The following ARHGAP26 variants were observed in gnomAD, a reference collection of about 807,000 sequenced individuals.
The protein encoded by ARHGAP26 is rho GTPase-activating protein 26.
A neutral mutation model predicts 104.8 loss-of-function variants in ARHGAP26; 38 were observed. The observed-to-expected ratio is 0.36, with a 90% CI of 0.28 to 0.48. The LOEUF (loss-of-function observed/expected upper bound fraction) is 0.48. ARHGAP26 is among the 20% of genes least tolerant of loss of function. ARHGAP26 has a pLI of 0.99. For missense variants in ARHGAP26, 704 were observed against 947.9 expected (o/e 0.74, Z 3.38); for synonymous variants, 341 against 340.0 (o/e 1.00, Z -0.03).
At chr5:143,073,175 A>G (rs947849265) in intron 17 of ARHGAP26, among the ~76,000 whole-genome samples, 2 of 152,226 alleles carry the variant, frequency 1.3e-5, no homozygotes, top group African/African-American at 4.8e-5. Flanking sequence ...GGGGAATCCA[A>G]CTGAATTCCT....
rs1811556497 is a variant in ARHGAP26 at position 143,225,171 on chromosome 5, A to G, written c.*2725A>G. The G allele has an allele frequency of 4.8e-6, 1 of 208,392 alleles. No individual in the cohort carries two copies. Among genetic ancestry groups the G allele is most frequent in the East Asian group, 7.2e-5 (1 of 13,830 alleles). 12.9% of individuals were successfully genotyped at this position (208,392 alleles called of 1,614,324 possible). A position where few individuals can be genotyped will look rare whatever the true frequency, so the allele number is the denominator to read the frequency against. On this transcript the variant is annotated 3_prime_UTR_variant, in exon 23 of 23. Transcript: ENST00000645722. ...CAACATCATGCTTTTAACACATTTGATGAGGTTTTTTATTTGTGTTTTTGT... is the reference window on the plus strand; with the variant it reads ...CAACATCATGCTTTTAACACATTTGGTGAGGTTTTTTATTTGTGTTTTTGT...
intron 19 of ARHGAP26, among the ~76,000 whole-genome samples, chr5:143,140,958 T>G (rs1187603122): frequency 2.0e-5 from 3 of 152,254 alleles, no homozygotes; most frequent in African/African-American, 7.2e-5. Context: ...TTCATACTAT[T>G]CAAAGGCTTA....
At chr5:143,113,148 C>T (rs1353746758) in intron 17 of ARHGAP26, among the ~76,000 whole-genome samples, 1 of 152,192 alleles carries the variant, frequency 6.6e-6, no homozygotes, top group Non-Finnish European at 1.5e-5. Context: ...GAGCTAGTTA[C>T]ACCCTCAGAT....
intron 11 of ARHGAP26, among the ~76,000 whole-genome samples, chr5:142,964,872 C>G (rs1438541051): frequency 6.6e-6 from 1 of 152,158 alleles, no homozygotes; most frequent in Non-Finnish European, 1.5e-5. Context: ...GAAAAGACAG[C>G]TGGGCCCGGG....
intron 1 of ARHGAP26, among the ~76,000 whole-genome samples, chr5:142,870,680 C>G (rs911586262): frequency 6.6e-6 from 1 of 152,210 alleles, no homozygotes; most frequent in African/African-American, 2.4e-5. Context: ...CAGTGTTTCT[C>G]ACTGGATCCT....
intron 14 of ARHGAP26, among the ~76,000 whole-genome samples, chr5:143,051,455 C>T (rs1352302747): frequency 2.6e-5 from 4 of 152,154 alleles, no homozygotes; most frequent in Non-Finnish European, 1.5e-5. Flanking sequence ...GGTCAAGGGA[C>T]ATGGTGGAGA....
intron 11 of ARHGAP26, among the ~76,000 whole-genome samples, chr5:143,013,584 G>C (rs952450678): frequency 6.6e-6 from 1 of 152,254 alleles, no homozygotes; most frequent in Admixed American, 6.5e-5. Context: ...TTGATGTAAA[G>C]GTCCTGACTT....
Position 143,228,096 on chromosome 5 carries a change from G to A in ARHGAP26, c.*5650G>A, listed in dbSNP as rs1811802059. 4.5e-6 allele frequency: 1 copy of A among 223,454 alleles called. No individual in the cohort carries two copies. The highest frequency in any genetic ancestry group is 8.9e-6 in the Non-Finnish European group (1 of 112,014). 13.8% of individuals were successfully genotyped at this position (223,454 alleles called of 1,614,324 possible). A position where few individuals can be genotyped will look rare whatever the true frequency, so the allele number is the denominator to read the frequency against. On this transcript the variant is annotated 3_prime_UTR_variant, in exon 23 of 23. Coordinates refer to ENST00000645722, the MANE Select transcript of ARHGAP26 (RefSeq NM_001135608.3). ...CAGTTACCTGGAGCAGTCCTGGAGAGGTTAAGACATTCTATACTGTTCTAC... is the reference window on the plus strand; with the variant it reads ...CAGTTACCTGGAGCAGTCCTGGAGAAGTTAAGACATTCTATACTGTTCTAC...
chr5:142,792,739 C>T (rs182911505), intron 1 of ARHGAP26, among the ~76,000 whole-genome samples: 8 of 152,258 alleles, frequency 5.3e-5, no homozygotes, highest in African/African-American at 1.7e-4. Flanking sequence ...GAATGAGCAG[C>T]GTTGGAGGAT....
intron 22 of ARHGAP26, among the ~76,000 whole-genome samples, chr5:143,221,814 G>A (rs950946538): frequency 6.6e-6 from 1 of 151,732 alleles, no homozygotes; most frequent in Admixed American, 6.6e-5. Context: ...TGAACCACCA[G>A]GCCCAGCCTC....
At chr5:143,153,848 C>G (rs781009524) in intron 20 of ARHGAP26, among the ~76,000 whole-genome samples, 1 of 152,312 alleles carries the variant, frequency 6.6e-6, no homozygotes, top group East Asian at 1.9e-4. Context: ...GCATGCCAAA[C>G]GCCTGCAGAT....
intron 12 of ARHGAP26, among the ~76,000 whole-genome samples, chr5:143,035,367 G>C (rs531775051): frequency 6.6e-6 from 1 of 152,300 alleles, no homozygotes; most frequent in South Asian, 2.1e-4. Context: ...CTATAAAAAG[G>C]AATGATTAAT....
At chr5:142,855,850 T>A (rs1471146368) in intron 1 of ARHGAP26, among the ~76,000 whole-genome samples, 1 of 151,802 alleles carries the variant, frequency 6.6e-6, no homozygotes, top group Non-Finnish European at 1.5e-5. Flanking sequence ...GCCTGTCTAC[T>A]TTTTACTTAC....
intron 3 of ARHGAP26, among the ~76,000 whole-genome samples, chr5:142,878,586 C>G (rs1450623810): frequency 6.6e-6 from 1 of 151,902 alleles, no homozygotes; most frequent in Non-Finnish European, 1.5e-5. Flanking sequence ...AGTGGTGAAC[C>G]AGAACACACT....
chr5:143,222,323 C>T, intron 22 of ARHGAP26, 35 bp from the exon 23 acceptor site: 1 of 1,479,134 alleles, frequency 6.8e-7, no homozygotes, highest in Non-Finnish European at 9.2e-7. Context: ...TCTGTAATGC[C>T]ATCTCTTCTC....
At chr5:143,024,915 A>C (rs1255621919) in intron 12 of ARHGAP26, among the ~76,000 whole-genome samples, 1 of 152,208 alleles carries the variant, frequency 6.6e-6, no homozygotes, top group East Asian at 1.9e-4. Context: ...TGAGTGTGTG[A>C]TTTTGAGAAA....
At chr5:143,006,097 T>A (rs1777912745) in intron 11 of ARHGAP26, among the ~76,000 whole-genome samples, 2 of 152,224 alleles carry the variant, frequency 1.3e-5, no homozygotes, top group Admixed American at 1.3e-4. Context: ...GGGATTTTGA[T>A]AGCCTTGAGT....
intron 11 of ARHGAP26, among the ~76,000 whole-genome samples, chr5:142,982,495 G>A (rs1204172986): frequency 1.3e-5 from 2 of 152,170 alleles, no homozygotes; most frequent in African/African-American, 2.4e-5. Context: ...GGAGCGGGCA[G>A]GGCTGCAGAA....
intron 17 of ARHGAP26, among the ~76,000 whole-genome samples, chr5:143,111,557 T>C (rs969893023): frequency 6.6e-6 from 1 of 152,198 alleles, no homozygotes; most frequent in African/African-American, 2.4e-5. Flanking sequence ...TCAGCTCATG[T>C]TAGTTGCTGT....
Sources: gnomAD v4.1 joint callset for allele counts (sites outside exome capture counted in the v4.1 genomes callset) on GRCh38, gnomAD v4.1.1 for gene constraint, MANE v1.5 for transcripts, NCBI Gene and HGNC (gene_info 2026-07-23, HGNC 2026-07-21) for gene names.